The following PPP6R2 variants were observed in gnomAD, a reference collection of about 807,000 sequenced individuals.
PPP6R2 encodes the protein serine/threonine-protein phosphatase 6 regulatory subunit 2.
Under a neutral mutation model 100.2 loss-of-function variants are expected in PPP6R2, and 62 were observed. That is an observed-to-expected ratio of 0.62 (90% confidence interval 0.50 to 0.76). PPP6R2 has a LOEUF of 0.76. PPP6R2 is among the 30% of genes least tolerant of loss of function. The pLI is 0.00. For synonymous variants in PPP6R2, 525 were observed against 514.7 expected (o/e 1.02, Z -0.27); for missense variants, 1,142 against 1,276.3 (o/e 0.89, Z 1.60).
At chr22:50,366,311 CTT>C (rs556380235) in intron 1 of PPP6R2, among the ~76,000 whole-genome samples, 72 of 137,422 alleles carry the variant, frequency 5.2e-4, no homozygotes, top group Admixed American at 6.6e-4. Flanking sequence ...TCCCTCTCAT[CTT>C]TTTTTTTTTT....
intron 2 of PPP6R2, among the ~76,000 whole-genome samples, chr22:50,390,691 A>G (rs1351990698): frequency 1.3e-5 from 2 of 151,968 alleles, no homozygotes; most frequent in South Asian, 4.2e-4. Flanking sequence ...AATCCTAAAT[A>G]TGTGTCAACA....
At chr22:50,396,835 G>A (rs536371244) in intron 3 of PPP6R2, among the ~76,000 whole-genome samples, 1 of 152,180 alleles carries the variant, frequency 6.6e-6, no homozygotes, top group Admixed American at 6.5e-5. Flanking sequence ...TCTAGCCTGA[G>A]CAGGGCCTTG....
At chr22:50,424,552 G>C (rs1008769214) in intron 10 of PPP6R2, among the ~76,000 whole-genome samples, 1 of 151,730 alleles carries the variant, frequency 6.6e-6, no homozygotes, top group African/African-American at 2.4e-5. Context: ...ATGAGTTCTG[G>C]GCACTGCTTT....
intron 4 of PPP6R2, among the ~76,000 whole-genome samples, chr22:50,410,385 C>A (rs970179492): frequency 6.6e-6 from 1 of 151,848 alleles, no homozygotes; most frequent in African/African-American, 2.4e-5. Context: ...AAATACACTG[C>A]AGTTCTCTGT....
chr22:50,427,960 T>C (rs2062480525), intron 10 of PPP6R2, among the ~76,000 whole-genome samples: 1 of 152,230 alleles, frequency 6.6e-6, no homozygotes. Context: ...GACCTCGTGA[T>C]CCGCCCACCT....
At chr22:50,432,166 C>T (rs376967066) in intron 11 of PPP6R2, 99 bp from the exon 12 acceptor site, 21 of 1,110,672 alleles carry the variant, frequency 1.9e-5, no homozygotes, top group East Asian at 1.3e-4. Context: ...TCCACACAGA[C>T]GTGGCCGCCA....
chr22:50,407,168 A>C (rs1219303613), intron 4 of PPP6R2, among the ~76,000 whole-genome samples: 1 of 152,038 alleles, frequency 6.6e-6, no homozygotes, highest in African/African-American at 2.4e-5. Flanking sequence ...CCAACATGAC[A>C]AAACCCTGTC....
In PPP6R2 at chr22:50,439,742, A is replaced by G; in HGVS notation, c.2170A>G (p.Thr724Ala). 3 of 1,612,426 alleles carry G rather than the reference A, an allele frequency of 1.9e-6. No homozygotes were observed. Among genetic ancestry groups the G allele is most frequent in the Non-Finnish European group, 2.5e-6 (3 of 1,179,220 alleles). ...TAVFDEPANS[T>A]PTAPGVVRDV... ...AGTGTTTGATGAGCCAGCGAACTCA[A>G]CGCCCACAGCCCCAGGAGTGGTGAG... is the stretch of plus-strand genomic sequence containing the variant. The change falls in exon 20 of 24, where the codon ACG becomes GCG. Residue 724 changes from threonine to alanine, a missense_variant. This residue lies in a region of PPP6R2 where 550 missense variants were observed against 517.4 expected (regional missense o/e 1.06). Coordinates refer to ENST00000612753, the MANE Select transcript of PPP6R2 (RefSeq NM_001242898.2).
At position 50,423,325 on chromosome 22, in the gene PPP6R2, C is replaced by G; in HGVS notation, c.973-137C>G. The G allele has an allele frequency of 9.9e-7, 1 of 1,008,672 alleles. No individual in the cohort carries two copies. Among genetic ancestry groups the G allele is most frequent in the Non-Finnish European group, 1.4e-6 (1 of 696,710 alleles). The allele number at this position is 1,008,672 out of a possible 1,614,324, so 62.5% of individuals were successfully genotyped here. On this transcript the variant is annotated intron_variant, in intron 9 of 23. Transcript: ENST00000612753. The surrounding 1 kb of genome is among the most constrained non-coding windows in gnomAD (Gnocchi z 4.8). ...TTCATTTCTTCTGGCAGACGGCCCTCCCTGAGGAACCCCCACCACATACCT... is the reference window on the plus strand; with the variant it reads ...TTCATTTCTTCTGGCAGACGGCCCTGCCTGAGGAACCCCCACCACATACCT...
At chr22:50,374,980 C>T (rs1280840320) in intron 2 of PPP6R2, among the ~76,000 whole-genome samples, 1 of 149,080 alleles carries the variant, frequency 6.7e-6, no homozygotes, top group African/African-American at 2.5e-5. Context: ...AATCGTATAG[C>T]ACCAAAGACA....
chr22:50,353,618 G>A lies in PPP6R2; in HGVS notation c.-148+10068G>A, dbSNP rs534391150. ...TGCTGTTGGAAAAATGGCACCCCTCGACGTGCTTGACGCAAGGTTGCTACC... is the reference window on the plus strand; with the variant it reads ...TGCTGTTGGAAAAATGGCACCCCTCAACGTGCTTGACGCAAGGTTGCTACC... On this transcript the variant is annotated intron_variant, in intron 1 of 23. Transcript: ENST00000612753. 3.9e-5 allele frequency among the ~76,000 whole-genome samples: 6 copies of A among 152,212 alleles called. No homozygotes were observed. In the South Asian group the frequency reaches 8.3e-4, roughly 21 times the overall value.
At chr22:50,368,884 T>G (rs866315263) in intron 1 of PPP6R2, among the ~76,000 whole-genome samples, 2 of 152,176 alleles carry the variant, frequency 1.3e-5, no homozygotes, top group Non-Finnish European at 1.5e-5. Context: ...GTAGAATTTG[T>G]TAAGAAGATG....
chr22:50,350,682 A>G (rs1390918961), intron 1 of PPP6R2, among the ~76,000 whole-genome samples: 1 of 151,698 alleles, frequency 6.6e-6, no homozygotes, highest in Non-Finnish European at 1.5e-5. Flanking sequence ...CGTCTCTACT[A>G]AAAATTCAAA....
At chr22:50,373,593 C>T (rs1223456246) in intron 2 of PPP6R2, among the ~76,000 whole-genome samples, 1 of 151,854 alleles carries the variant, frequency 6.6e-6, no homozygotes, top group South Asian at 2.1e-4. Context: ...ACTTTGTCAC[C>T]CAGGCTGGAG....
chr22:50,342,223 G>A (rs2042484188), upstream of PPP6R2, among the ~76,000 whole-genome samples: 1 of 152,242 alleles, frequency 6.6e-6, no homozygotes, highest in South Asian at 2.1e-4. Context: ...CCTGCTGAAC[G>A]CAGGGTGTCT....
intron 10 of PPP6R2, among the ~76,000 whole-genome samples, chr22:50,424,633 C>CTTTTTTT (rs71198247): frequency 0.012 from 855 of 74,240 alleles, 21 homozygotes; most frequent in Middle Eastern, 0.026. Context: ...CCCTCTTCTT[C>CTTTTTTT]TTTTTTTTTT....
chr22:50,414,606 A>G lies in PPP6R2; in HGVS notation c.469A>G (p.Ile157Val). The G allele has an allele frequency of 6.2e-7, 1 of 1,613,998 alleles. No homozygotes were observed. Among genetic ancestry groups the G allele is most frequent in the Non-Finnish European group, 8.5e-7 (1 of 1,179,984 alleles). ...DKFISLVLKH[I>V]GTSALMDLLL... ...GTTCATCAGCCTGGTGTTGAAGCAC[A>G]TCGGCACCTCAGCGCTTATGGACCT... is the stretch of plus-strand genomic sequence containing the variant. Residue 157 changes from isoleucine to valine, a missense_variant, in exon 5 of 24, where the codon ATC becomes GTC. By Grantham distance (29) the Ile-to-Val change is conservative. Transcript: ENST00000612753.
intron 1 of PPP6R2, among the ~76,000 whole-genome samples, chr22:50,367,816 A>G (rs576119764): frequency 7.9e-5 from 12 of 152,278 alleles, no homozygotes; most frequent in African/African-American, 2.9e-4. Context: ...ACATAAAGCA[A>G]AGAGATAGAA....
intron 2 of PPP6R2, chr22:50,388,870 C>CA (rs536065682): frequency 0.043 from 4,863 of 113,020 alleles, 125 homozygotes; most frequent in African/African-American, 0.088. Context: ...GACTCCATCT[C>CA]AAAAAAAAAA....
Sources: gnomAD v4.1 joint callset for allele counts (sites outside exome capture counted in the v4.1 genomes callset) on GRCh38, gnomAD v4.1.1 for gene constraint, gnomAD v4.1.1 regional missense constraint, Gnocchi (gnomAD v3.1) non-coding constraint, MANE v1.5 for transcripts, NCBI Gene and HGNC (gene_info 2026-07-23, HGNC 2026-07-21) for gene names.